The following ARHGEF38 variants were observed in gnomAD, a reference collection of about 807,000 sequenced individuals.
ARHGEF38 encodes Rho guanine nucleotide exchange factor 38.
In ARHGEF38, 79 loss-of-function variants were observed where a neutral mutation model predicts 79.9. The observed-to-expected ratio is 0.99, with a 90% CI of 0.82 to 1.19. The LOEUF is 1.19. Ranked by LOEUF, ARHGEF38 falls within the 50% of genes most tolerant of loss-of-function variation. The pLI is 0.00. For synonymous variants in ARHGEF38, 366 were observed against 328.3 expected, an observed-to-expected ratio of 1.11 and a Z score of -1.24; for missense variants, 962 against 907.2, an observed-to-expected ratio of 1.06 and a Z score of -0.78.
chr4:105,667,065 A>T, intron 11 of ARHGEF38, 64 bp from the exon 12 acceptor site: 1 of 1,329,398 alleles, frequency 7.5e-7, no homozygotes, highest in Non-Finnish European at 1.0e-6. Flanking sequence ...AAAAATATTT[A>T]CCAACTCCAT....
intron 3 of ARHGEF38, among the ~76,000 whole-genome samples, chr4:105,623,465 C>G (rs1224284309): frequency 2.0e-5 from 3 of 152,142 alleles, no homozygotes; most frequent in Middle Eastern, 3.2e-3. Flanking sequence ...TGGTCTAAGA[C>G]AGGGTTTTCC....
intron 13 of ARHGEF38, among the ~76,000 whole-genome samples, chr4:105,677,101 T>C (rs753546783): frequency 7.9e-5 from 12 of 152,098 alleles, no homozygotes; most frequent in East Asian, 3.9e-4. Flanking sequence ...GTAGCTGGGA[T>C]TACAGGCACA....
intron 13 of ARHGEF38, among the ~76,000 whole-genome samples, chr4:105,675,482 T>C (rs891331108): frequency 6.6e-6 from 1 of 152,248 alleles, no homozygotes; most frequent in East Asian, 1.9e-4. Context: ...ATCTCTTGTA[T>C]GTATCTTTTA....
At chr4:105,588,622 G>A (rs570450328) in intron 1 of ARHGEF38, among the ~76,000 whole-genome samples, 3 of 152,070 alleles carry the variant, frequency 2.0e-5, no homozygotes, top group South Asian at 2.1e-4. Flanking sequence ...CTTTCTGTTC[G>A]ACAGTTCAAG....
intron 1 of ARHGEF38, among the ~76,000 whole-genome samples, chr4:105,559,507 G>A (rs1470359465): frequency 2.6e-5 from 4 of 152,118 alleles, no homozygotes; most frequent in African/African-American, 9.7e-5. Context: ...CTCAAGATTA[G>A]GTAGGAGTGC....
chr4:105,605,284 A>AT (rs1727991824), intron 2 of ARHGEF38, among the ~76,000 whole-genome samples: 1 of 151,980 alleles, frequency 6.6e-6, no homozygotes, highest in Admixed American at 6.6e-5. Context: ...CTTTTTTTTA[A>AT]TTTTAATTTT....
chr4:105,649,669 G>C (rs1408174408), intron 7 of ARHGEF38, among the ~76,000 whole-genome samples: 1 of 152,090 alleles, frequency 6.6e-6, no homozygotes, highest in African/African-American at 2.4e-5. Context: ...GCAGCTGTAT[G>C]GTGGTTCATG....
intron 9 of ARHGEF38, among the ~76,000 whole-genome samples, 179 bp downstream of exon 9, chr4:105,655,901 A>C (rs1730301876): frequency 6.6e-6 from 1 of 152,184 alleles, no homozygotes; most frequent in Admixed American, 6.5e-5. Flanking sequence ...AAAGTGGATT[A>C]GTGAGGATTT....
intron 3 of ARHGEF38, among the ~76,000 whole-genome samples, chr4:105,628,508 T>A (rs1010221231): frequency 6.6e-5 from 10 of 152,240 alleles, no homozygotes; most frequent in Non-Finnish European, 1.3e-4. Context: ...TAGCTCTTAC[T>A]GTTTGTGTTG....
At chr4:105,613,156 T>C (rs1376294201) in intron 2 of ARHGEF38, among the ~76,000 whole-genome samples, 1 of 152,152 alleles carries the variant, frequency 6.6e-6, no homozygotes, top group Non-Finnish European at 1.5e-5. Flanking sequence ...AGATGTATGT[T>C]TGATACAAAA....
intron 1 of ARHGEF38, among the ~76,000 whole-genome samples, chr4:105,571,056 A>C (rs1726200770): frequency 6.6e-6 from 1 of 152,152 alleles, no homozygotes; most frequent in Non-Finnish European, 1.5e-5. Context: ...ATAGGTATAA[A>C]ATTTGCTTAG....
chr4:105,613,900 T>G (rs1728407578), intron 3 of ARHGEF38, among the ~76,000 whole-genome samples: 3 of 152,168 alleles, frequency 2.0e-5, no homozygotes. Context: ...TCAATCAATT[T>G]TTTTAGATTA....
rs187568735 is a variant in ARHGEF38, at chr4:105,574,445, G to A, written c.197-14803G>A. On this transcript the variant is annotated intron_variant, in intron 1 of 13. Coordinates refer to ENST00000420470, the MANE Select transcript of ARHGEF38 (RefSeq NM_001242729.2). ...AGGCACCTGTAATCCCAGCTACTTG[G>A]AGGCTGAGGCAGGAAAATCGCTTGA... Among the ~76,000 whole-genome samples the A allele has an allele frequency of 2.9e-3, 440 of 151,946 alleles. 2 individuals carry two copies. Among genetic ancestry groups the A allele is most frequent in the African/African-American group, 9.9e-3 (411 of 41,410 alleles).
intron 10 of ARHGEF38, among the ~76,000 whole-genome samples, chr4:105,660,645 G>T (rs1730527400): frequency 2.0e-5 from 3 of 152,012 alleles, no homozygotes. Flanking sequence ...TCTCCATTTT[G>T]GTCAGGCTGG....
At chr4:105,572,367 A>C (rs569853485) in intron 1 of ARHGEF38, among the ~76,000 whole-genome samples, 1 of 152,072 alleles carries the variant, frequency 6.6e-6, no homozygotes, top group African/African-American at 2.4e-5. Context: ...TTTTCCCCCT[A>C]ATTTTTCATT....
chr4:105,622,697 T>C (rs1020788086), intron 3 of ARHGEF38, among the ~76,000 whole-genome samples: 2 of 152,256 alleles, frequency 1.3e-5, no homozygotes, highest in Admixed American at 6.5e-5. Context: ...ATGCTCAGCA[T>C]GTGGCTTTTG....
At chr4:105,665,141 G>A (rs189529226) in intron 10 of ARHGEF38, among the ~76,000 whole-genome samples, 1 of 151,898 alleles carries the variant, frequency 6.6e-6, no homozygotes, top group Non-Finnish European at 1.5e-5. Context: ...GGGATTACAG[G>A]CACACACCAC....
chr4:105,577,347 C>T (rs1374810565), intron 1 of ARHGEF38, among the ~76,000 whole-genome samples: 7 of 146,220 alleles, frequency 4.8e-5, no homozygotes, highest in Admixed American at 3.5e-4. Flanking sequence ...TGAGAATACG[C>T]GGTGTTTGGT....
At chr4:105,621,997 A>G (rs1728753865) in intron 3 of ARHGEF38, among the ~76,000 whole-genome samples, 1 of 152,190 alleles carries the variant, frequency 6.6e-6, no homozygotes, top group Non-Finnish European at 1.5e-5. Flanking sequence ...CAATCCTCAC[A>G]AGAAAGAAAA....
Sources: allele counts gnomAD v4.1 joint callset (sites outside exome capture counted in the v4.1 genomes callset), GRCh38; gene constraint gnomAD v4.1.1; transcripts MANE v1.5; gene names NCBI Gene and HGNC (gene_info 2026-07-23, HGNC 2026-07-21).